Variants in FBN2 observed in about 807,000 individuals in gnomAD.
FBN2 encodes the protein fibrillin-2.
In FBN2, 105 loss-of-function variants were observed where a neutral mutation model predicts 355.6. The observed-to-expected ratio is 0.30, with a 90% CI of 0.25 to 0.35. FBN2 has a LOEUF of 0.35. FBN2 is among the 10% of genes least tolerant of loss of function. FBN2 has a pLI of 1.00. For missense variants in FBN2, 3,280 were observed against 3,758.7 expected (o/e 0.87, Z 3.33); for synonymous variants, 1,350 against 1,301.2 (o/e 1.04, Z -0.81).
chr5:128,393,266 C>T lies in FBN2; in HGVS notation c.1334G>A (p.Ser445Asn), dbSNP rs1452429908. ...GGTGGNGFAP[S>N]GNGNGYGPGG... ...TGGGCCATAGCCATTGCCATTGCCACTTGGGGCAAAGCCATTTCCCCCAGT... is the reference window on the plus strand; with the variant it reads ...TGGGCCATAGCCATTGCCATTGCCATTTGGGGCAAAGCCATTTCCCCCAGT... Residue 445 changes from serine (S) to asparagine (N), a missense_variant, in exon 10 of 65, where the codon AGT (serine) becomes AAT (asparagine). Ser to Asn is a conservative substitution (Grantham distance 46). Around this residue, in one of 6 missense-constraint regions of FBN2, gnomAD observed 343 missense variants for 331.0 expected, o/e 1.04. Transcript: ENST00000262464. The T allele has an allele frequency of 1.2e-6, 2 of 1,614,190 alleles. No homozygotes were observed. Among genetic ancestry groups the T allele is most frequent in the African/African-American group, 2.7e-5 (2 of 75,044 alleles).
At chr5:128,362,465 T>G (rs1751662138) in intron 18 of FBN2, among the ~76,000 whole-genome samples, 1 of 152,162 alleles carries the variant, frequency 6.6e-6, no homozygotes, top group African/African-American at 2.4e-5. Flanking sequence ...ACAATGAGTT[T>G]TTTGTTTGTT....
At chr5:128,485,014 A>T (rs1204224221) in intron 5 of FBN2, among the ~76,000 whole-genome samples, 1 of 145,808 alleles carries the variant, frequency 6.9e-6, no homozygotes, top group Non-Finnish European at 1.5e-5. Context: ...ACTCTTGCAT[A>T]AATGCACAAG....
chr5:128,413,395 A>C (rs1348626507), intron 7 of FBN2, among the ~76,000 whole-genome samples: 1 of 152,158 alleles, frequency 6.6e-6, no homozygotes, highest in Non-Finnish European at 1.5e-5. Context: ...ACGGAGGCTA[A>C]GGAAGAACAC....
chr5:128,329,733 T>C (rs1750642975), intron 33 of FBN2, among the ~76,000 whole-genome samples: 1 of 152,186 alleles, frequency 6.6e-6, no homozygotes. Context: ...CATTTGAAAA[T>C]GATGAGGCTG....
At chr5:128,461,800 T>C (rs944918380) in intron 6 of FBN2, among the ~76,000 whole-genome samples, 1 of 145,390 alleles carries the variant, frequency 6.9e-6, no homozygotes, top group African/African-American at 2.6e-5. Context: ...GAGTTGAACA[T>C]TGAAAACACG....
At chr5:128,287,580 A>C (rs951717967) in intron 53 of FBN2, 150 bp from the exon 54 acceptor site, 2 of 775,074 alleles carry the variant, frequency 2.6e-6, no homozygotes, top group African/African-American at 3.5e-5. Flanking sequence ...GTACCTAACA[A>C]ACTCATCTTT....
At chr5:128,509,904 T>C (rs548710988) in intron 5 of FBN2, among the ~76,000 whole-genome samples, 11 of 106,598 alleles carry the variant, frequency 1.0e-4, no homozygotes, top group South Asian at 8.0e-4. Flanking sequence ...TCCAGGCTTA[T>C]GTGCAACTCT....
intron 4 of FBN2, among the ~76,000 whole-genome samples, chr5:128,524,155 T>A (rs556360076): frequency 6.6e-6 from 1 of 152,214 alleles, no homozygotes; most frequent in African/African-American, 2.4e-5. Flanking sequence ...GATCTTACGG[T>A]TTCCAAAATA....
intron 48 of FBN2, among the ~76,000 whole-genome samples, chr5:128,299,329 G>C (rs1749639821): frequency 6.6e-6 from 1 of 151,662 alleles, no homozygotes; most frequent in Non-Finnish European, 1.5e-5. Context: ...TACAGAGGCA[G>C]GCAGGCCTCC....
chr5:128,274,619 C>A lies in FBN2; in HGVS notation c.7659G>T (p.Gly2553=), dbSNP rs763586091. ...AACCAGGTGGACATTTACAGGTAAA[C>A]CCCCCCAGGGTGTTGACACAGAGGA... is the stretch of plus-strand genomic sequence containing the variant. The part of the protein sequence containing the change: ...CQFLCVNTLG[G]FTCKCPPGFT... The change falls in exon 60 of 65, where the codon GGG becomes GGT. Residue 2553 remains glycine, a synonymous_variant. Coordinates refer to ENST00000262464, the MANE Select transcript of FBN2 (RefSeq NM_001999.4). 2 of 1,609,482 alleles carry A rather than the reference C, an allele frequency of 1.2e-6. No individual in the cohort carries two copies. Among genetic ancestry groups the A allele is most frequent in the Non-Finnish European group, 1.7e-6 (2 of 1,175,896 alleles).
At chr5:128,351,134 G>C in intron 20 of FBN2, 129 bp from the exon 21 acceptor site, 1 of 1,127,344 alleles carries the variant, frequency 8.9e-7, no homozygotes, top group Non-Finnish European at 1.3e-6. Flanking sequence ...TGTAATCCCA[G>C]CACTTTGGGA....
intron 5 of FBN2, among the ~76,000 whole-genome samples, chr5:128,506,116 T>C (rs1755952085): frequency 6.6e-6 from 1 of 152,206 alleles, no homozygotes; most frequent in South Asian, 2.1e-4. Context: ...TGACATCTCA[T>C]TGTGATTTTA....
chr5:128,411,080 C>T (rs1753050070), intron 7 of FBN2, among the ~76,000 whole-genome samples: 2 of 152,108 alleles, frequency 1.3e-5, no homozygotes, highest in African/African-American at 2.4e-5. Context: ...ACAGGGGTGG[C>T]TTGTTTACTT....
At chr5:128,411,791 G>A (rs888434245) in intron 7 of FBN2, among the ~76,000 whole-genome samples, 3 of 152,174 alleles carry the variant, frequency 2.0e-5, no homozygotes, top group Admixed American at 6.5e-5. Context: ...CCCCGTCTTC[G>A]ACCTAGTATT....
chr5:128,286,688 C>T (rs1749155213), intron 55 of FBN2, 30 bp downstream of exon 55: 3 of 1,613,394 alleles, frequency 1.9e-6, no homozygotes, highest in Non-Finnish European at 2.5e-6. Context: ...GGAGGCATTA[C>T]ATAAGCAGAC....
At chr5:128,372,642 C>A (rs886419874) in intron 15 of FBN2, among the ~76,000 whole-genome samples, 1 of 152,136 alleles carries the variant, frequency 6.6e-6, no homozygotes, top group African/African-American at 2.4e-5. Flanking sequence ...TAGGCACATG[C>A]CACCATGCCT....
intron 13 of FBN2, 95 bp downstream of exon 13, chr5:128,377,657 G>C: frequency 8.1e-7 from 1 of 1,239,174 alleles, no homozygotes; most frequent in East Asian, 2.3e-5. Context: ...TCTCACATAC[G>C]TGGTGTGTGA....
At chr5:128,419,122 T>C in intron 7 of FBN2, among the ~76,000 whole-genome samples, 1 of 152,228 alleles carries the variant, frequency 6.6e-6, no homozygotes. Flanking sequence ...TTTTGTACAT[T>C]GATCTTGTAC....
chr5:128,394,946 C>T (rs1408499848), intron 9 of FBN2, among the ~76,000 whole-genome samples, 176 bp downstream of exon 9: 6 of 152,038 alleles, frequency 3.9e-5, no homozygotes, highest in East Asian at 1.9e-4. Context: ...CCACCATGCC[C>T]GGCTAATTTT....
Sources: gnomAD v4.1 joint callset for allele counts (sites outside exome capture counted in the v4.1 genomes callset) on GRCh38, gnomAD v4.1.1 for gene constraint, gnomAD v4.1.1 regional missense constraint, MANE v1.5 for transcripts, NCBI Gene and HGNC (gene_info 2026-07-23, HGNC 2026-07-21) for gene names.